SBF1: variants seen among roughly 807,000 people sequenced by gnomAD.
The protein encoded by SBF1 is SET binding factor 1, also known as myotubularin-related protein 5.
Under a neutral mutation model 215.8 loss-of-function variants are expected in SBF1, and 65 were observed. That is an observed-to-expected ratio of 0.30 (90% CI 0.25 to 0.37). The LOEUF is 0.37. Ranked by LOEUF, SBF1 falls within the 10% of genes least tolerant of loss-of-function variation. The pLI, the probability that SBF1 is intolerant of heterozygous loss-of-function variation, is 1.00. For missense variants in SBF1, 2,634 were observed against 2,667.8 expected (o/e 0.99, Z 0.28); for synonymous variants, 1,410 against 1,122.8 (o/e 1.26, Z -5.11).
In SBF1 at chr22:50,446,518, C is replaced by T. The variant is rs895225115; in HGVS notation, c.*624G>A. On this transcript the variant is annotated 3_prime_UTR_variant, in exon 41 of 41. Transcript: ENST00000380817. The stretch of plus-strand genomic sequence containing the variant: ...CTCTGTGAGGTCAGCTTCTGCATCC[C>T]CTGGGTAGGGATGGGGGCTTCCTCT... 3 of 255,678 alleles carry T rather than the reference C, an allele frequency of 1.2e-5. No homozygotes were observed. Among genetic ancestry groups the T allele is most frequent in the East Asian group, 1.1e-4 (1 of 9,210 alleles). 15.8% of individuals were successfully genotyped at this position (255,678 alleles called of 1,614,324 possible).
In SBF1 at chr22:50,466,036, G is replaced by A. The variant is rs1377647150; in HGVS notation, c.936C>T (p.Val312=). Residue 312 remains valine, a synonymous_variant, in exon 9 of 41, where the codon GTC becomes GTT. Transcript: ENST00000380817. ...GAATGTGCACACACTCAGGAATGGT[G>A]ACCGTCCCTCCATCCAGATCAGCAA... ...VIVADLDGGT[V]TIPECVHIPP... 1.2e-6 allele frequency: 2 copies of A among 1,613,906 alleles called. No homozygotes were observed. The highest frequency in any genetic ancestry group is 1.7e-6 in the Non-Finnish European group (2 of 1,180,034).
At chr22:50,464,502 C>T (rs778925495) in intron 14 of SBF1, 32 bp downstream of exon 14, 20 of 1,602,888 alleles carry the variant, frequency 1.2e-5, no homozygotes, top group East Asian at 1.1e-4. Context: ...GGGCCACGCT[C>T]GGGGCCTGCC....
Position 50,456,478 on chromosome 22 carries a change from C to G in SBF1, c.4086+14G>C, listed in dbSNP as rs758142286. On this transcript the variant is annotated intron_variant, in intron 30 of 40. Transcript: ENST00000380817. ...GCCCCCACCCTCACCCCCCACCCCCCGCACCCCAGTCACCTTGAGCTGGGC... is the reference window on the plus strand; with the variant it reads ...GCCCCCACCCTCACCCCCCACCCCCGGCACCCCAGTCACCTTGAGCTGGGC... 1.3e-6 allele frequency: 2 copies of G among 1,520,302 alleles called. No homozygotes were observed. Among genetic ancestry groups the G allele is most frequent in the East Asian group, 2.4e-5 (1 of 40,878 alleles). 94.2% of individuals were successfully genotyped at this position (1,520,302 alleles called of 1,614,324 possible). A position where few individuals can be genotyped will look rare whatever the true frequency, so the allele number is the denominator to read the frequency against.
chr22:50,462,385 C>T lies in SBF1; in HGVS notation c.2216G>A (p.Arg739His), dbSNP rs575816391. 1.5e-5 allele frequency: 25 copies of T among 1,614,134 alleles called. No individual in the cohort carries two copies. In the Admixed American group the frequency reaches 1.7e-4, roughly 11 times the overall value. ...EQRRLWPTLS[R>H]EKQQELVQKE... is the part of the protein sequence containing the mutation. The stretch of plus-strand genomic sequence containing the variant: ...CTGCACCAGCTCCTGCTGCTTCTCA[C>T]GACTCAGAGTTGGCCACAAGCGCCG... The change falls in exon 19 of 41, where the codon CGT becomes CAT. Residue 739 changes from arginine (R) to histidine (H), a missense_variant. Arg to His is a conservative substitution (Grantham distance 29). Transcript: ENST00000380817.
At position 50,464,346 on chromosome 22, in the gene SBF1, T is replaced by C. The variant is rs1432699199; in HGVS notation, c.1732A>G (p.Met578Val). The C allele has an allele frequency of 3.1e-6, 5 of 1,613,692 alleles. No individual in the cohort carries two copies. The highest frequency in any genetic ancestry group is 4.2e-6 in the Non-Finnish European group (5 of 1,179,756). Reference sequence around the variant, plus strand: ...GCCCTCACCTTCTTGGCCTCAAGCATTTTCCCCTCAAACACGTAGGAGATG... The same window carrying C: ...GCCCTCACCTTCTTGGCCTCAAGCACTTTCCCCTCAAACACGTAGGAGATG... ...NCISYVFEGKMLEAKKLLPAV... is the reference protein window; with the variant it reads ...NCISYVFEGKVLEAKKLLPAV... The change falls in exon 15 of 41, where the codon ATG (methionine) becomes GTG (valine). Residue 578 changes from methionine to valine, a missense_variant. By Grantham distance (21) the Met-to-Val change is conservative. Transcript: ENST00000380817.
chr22:50,456,712 A>G (rs773212131), intron 29 of SBF1, 39 bp from the exon 30 acceptor site: 1 of 1,433,148 alleles, frequency 7.0e-7, no homozygotes, highest in Non-Finnish European at 9.2e-7. Flanking sequence ...AAAGGGGGCC[A>G]GGGCACCACT....
intron 31 of SBF1, 130 bp from the exon 32 acceptor site, chr22:50,455,712 TATGCGGGC>T: frequency 1.3e-6 from 1 of 741,252 alleles, no homozygotes; most frequent in Non-Finnish European, 2.3e-6. Context: ...CCAAGCCCTG[TATGCGGGC>T]AGAGCACTGG....
chr22:50,455,976 G>C, intron 31 of SBF1: 1 of 567,984 alleles, frequency 1.8e-6, no homozygotes, highest in Non-Finnish European at 3.1e-6. Flanking sequence ...CGTGGGCCCA[G>C]CAGGCTGCTC....
Position 50,462,714 on chromosome 22 carries a change from G to A in SBF1, c.1972C>T (p.Leu658=). 1.2e-6 allele frequency: 2 copies of A among 1,611,428 alleles called. No individual in the cohort carries two copies. The highest frequency in any genetic ancestry group is 1.7e-6 in the Non-Finnish European group (2 of 1,179,194). Residue 658 remains leucine (L), a synonymous_variant, in exon 18 of 41, where the codon CTG becomes TTG. Transcript: ENST00000380817. ...LPLVTAFCRK[L]SPGVTQFAYS... ...GCAAACTGCGTCACCCCCGGGCTCA[G>A]CTTCTGCAGGAGCCAGGGGAGAAGG...
chr22:50,460,209 T>C, intron 25 of SBF1, 50 bp from the exon 26 acceptor site: 2 of 1,604,702 alleles, frequency 1.2e-6, no homozygotes, highest in Non-Finnish European at 1.7e-6. Flanking sequence ...CCGCCTGCCC[T>C]GATCCTCCCT....
Position 50,447,067 on chromosome 22 carries a change from T to C in SBF1, c.*75A>G. ...CTGTCGAGGGCCGGGGCTGTAAACA[T>C]GGCCGGGGCGGCCCTGCCCACCCCT... On this transcript the variant is annotated 3_prime_UTR_variant, in exon 41 of 41. Transcript: ENST00000380817. The C allele has an allele frequency of 7.4e-7, 1 of 1,345,392 alleles. No individual in the cohort carries two copies. The highest frequency in any genetic ancestry group is 1.0e-6 in the Non-Finnish European group (1 of 965,672). The allele number at this position is 1,345,392 out of a possible 1,614,324, so 83.3% of individuals were successfully genotyped here. A position where few individuals can be genotyped will look rare whatever the true frequency, so the allele number is the denominator to read the frequency against.
chr22:50,463,679 TC>T (rs2067619635), intron 15 of SBF1, among the ~76,000 whole-genome samples: 1 of 152,172 alleles, frequency 6.6e-6, no homozygotes, highest in Non-Finnish European at 1.5e-5. Context: ...GGAGGTGCGC[TC>T]CGGAGGGAGG....
chr22:50,448,177 G>A (rs2066909662), intron 38 of SBF1, 56 bp downstream of exon 38: 9 of 1,549,722 alleles, frequency 5.8e-6, no homozygotes, highest in African/African-American at 1.4e-5. Context: ...GACTGCCTGG[G>A]ACCCCAGAAC....
At position 50,460,414 on chromosome 22, in the gene SBF1, G is replaced by T. The variant is rs772348264; in HGVS notation, c.3147-6C>A. The T allele has an allele frequency of 1.9e-6, 3 of 1,607,788 alleles. No homozygotes were observed. The highest frequency in any genetic ancestry group is 2.6e-6 in the Non-Finnish European group (3 of 1,175,944). On this transcript the variant is annotated splice_polypyrimidine_tract_variant and splice_region_variant and intron_variant, in intron 24 of 40. Coordinates refer to ENST00000380817, the MANE Select transcript of SBF1 (RefSeq NM_002972.4). ...CCAGGTTCCGGGACAGGGTTCTGAGGCCCACGAGAGTCAGCAAAGGTGAGA... is the reference window on the plus strand; with the variant it reads ...CCAGGTTCCGGGACAGGGTTCTGAGTCCCACGAGAGTCAGCAAAGGTGAGA...
In SBF1 at chr22:50,462,120, C is replaced by A; in HGVS notation, c.2397-1G>T. 7 of 1,612,910 alleles carry A rather than the reference C, an allele frequency of 4.3e-6. No individual in the cohort carries two copies. Among genetic ancestry groups the A allele is most frequent in the Non-Finnish European group, 5.9e-6 (7 of 1,180,034 alleles). ...GCTCTCGGCCACACTGCCAGCCATG[C>A]TGGGCCAGAGAAGAAACTGTGGGCA... On this transcript the variant is annotated splice_acceptor_variant, in intron 19 of 40. Transcript: ENST00000380817. LOFTEE classifies it high-confidence loss of function.
At position 50,456,547 on chromosome 22, in the gene SBF1, A is replaced by G; in HGVS notation, c.4031T>C (p.Phe1344Ser). 6.3e-7 allele frequency: 1 copy of G among 1,581,586 alleles called. No homozygotes were observed. The highest frequency in any genetic ancestry group is 1.1e-5 in the South Asian group (1 of 87,126). ...GAGGGCTGCTCGCTGCGGACGCAGG[A>G]AGCCCGGGTCGGGAGGGCCCCCGTT... Reference protein sequence around the residue: ...QANGGPPDPGFLRPQRAALYI... With the variant: ...QANGGPPDPGSLRPQRAALYI... Residue 1344 changes from phenylalanine (F) to serine (S), a missense_variant, in exon 30 of 41, where the codon TTC becomes TCC. Transcript: ENST00000380817.
rs1327258816 is a variant in SBF1, at chr22:50,446,274, T to C, written c.*868A>G. 6.6e-6 allele frequency: 1 copy of C among 150,858 alleles called. No individual in the cohort carries two copies. Among genetic ancestry groups the C allele is most frequent in the African/African-American group, 2.5e-5 (1 of 40,420 alleles). The allele number at this position is 150,858 out of a possible 1,614,324, so 9.3% of individuals were successfully genotyped here. A position where few individuals can be genotyped will look rare whatever the true frequency, so the allele number is the denominator to read the frequency against. On this transcript the variant is annotated 3_prime_UTR_variant, in exon 41 of 41. Transcript: ENST00000380817. ...GAGAGGGTCCATCCCCCATGGGCGTTGGCCCCTTACTCTGCCAGATGCTGC... is the reference window on the plus strand; with the variant it reads ...GAGAGGGTCCATCCCCCATGGGCGTCGGCCCCTTACTCTGCCAGATGCTGC...
intron 36 of SBF1, among the ~76,000 whole-genome samples, chr22:50,449,625 AACACACACACACACACACAC>A (rs59541336): frequency 1.2e-4 from 18 of 146,960 alleles, no homozygotes; most frequent in Middle Eastern, 3.5e-3. Context: ...AAAACACACA[AACACACACACACACACACAC>A]ACACACACAC....
In SBF1 at chr22:50,461,379, T is replaced by A. The variant is rs112686399; in HGVS notation, c.2840-93A>T. On this transcript the variant is annotated intron_variant, in intron 22 of 40. Coordinates refer to ENST00000380817, the MANE Select transcript of SBF1 (RefSeq NM_002972.4). ...TACCACAGTTATGGGGAATCCCAAGTGGGTGGGGAAGGAGCAGACAAAGGC... is the reference window on the plus strand; with the variant it reads ...TACCACAGTTATGGGGAATCCCAAGAGGGTGGGGAAGGAGCAGACAAAGGC... The A allele has an allele frequency of 0.012, 17,635 of 1,508,124 alleles. 370 individuals carry two copies. The highest frequency in any genetic ancestry group is 0.1 in the East Asian group (4,403 of 43,432). The allele number at this position is 1,508,124 out of a possible 1,614,324, so 93.4% of individuals were successfully genotyped here.
Sources: gnomAD v4.1 joint callset for allele counts (sites outside exome capture counted in the v4.1 genomes callset) on GRCh38, gnomAD v4.1.1 for gene constraint, MANE v1.5 for transcripts, NCBI Gene and HGNC (gene_info 2026-07-23, HGNC 2026-07-21) for gene names.